MYZAP: variants seen among roughly 807,000 people sequenced by gnomAD.
MYZAP encodes myocardial zonula adherens protein.
A neutral mutation model predicts 69.4 loss-of-function variants in MYZAP; 66 were observed. The ratio of observed to expected loss-of-function variants is 0.95; its 90% confidence interval spans 0.78 to 1.17. The LOEUF (loss-of-function observed/expected upper bound fraction) is 1.17, where lower values mean the gene tolerates loss of function less well. Ranked by LOEUF, MYZAP falls within the 50% of genes most tolerant of loss-of-function variation. The pLI is 0.00. For missense variants in MYZAP, 611 were observed against 556.2 expected (o/e 1.10, Z -0.99); for synonymous variants, 256 against 205.9 (o/e 1.24, Z -2.09).
At chr15:57,672,646 C>T (rs1256462154) in intron 11 of MYZAP, among the ~76,000 whole-genome samples, 1 of 152,206 alleles carries the variant, frequency 6.6e-6, no homozygotes, top group Non-Finnish European at 1.5e-5. Flanking sequence ...AATTCTGGTG[C>T]TGACCTTGCT....
rs552946288 is a variant in MYZAP, at chr15:57,622,603, A to G, written c.411+903A>G. 4.6e-5 allele frequency among the ~76,000 whole-genome samples: 7 copies of G among 152,314 alleles called. No homozygotes were observed. The South Asian group carries it at 1.0e-3, about 23-fold the overall frequency. On this transcript the variant is annotated intron_variant, in intron 4 of 12. Coordinates refer to ENST00000267853, the MANE Select transcript of MYZAP (RefSeq NM_001018100.5). ...GTACTCCAGAAATGTACCCCTGTAT[A>G]TGATAAATGTAGCATCTCAAAAAAG...
chr15:57,673,461 TGC>T (rs1595937474), intron 11 of MYZAP, among the ~76,000 whole-genome samples: 7 of 125,844 alleles, frequency 5.6e-5, no homozygotes, highest in East Asian at 2.3e-4. Context: ...CATGCGTGCA[TGC>T]GTGTGTGTGT....
At chr15:57,651,884 C>A (rs1164007000) in intron 10 of MYZAP, among the ~76,000 whole-genome samples, 2 of 152,170 alleles carry the variant, frequency 1.3e-5, no homozygotes, top group African/African-American at 4.8e-5. Flanking sequence ...CCGGGGGAGC[C>A]AGAGTGCTCC....
At position 57,684,409 on chromosome 15, in the gene MYZAP, G is replaced by A. The variant is rs767506269; in HGVS notation, c.1312G>A (p.Gly438Ser). The change falls in exon 13 of 13, where the codon GGC (glycine) becomes AGC (serine). Residue 438 changes from glycine to serine, a missense_variant. By Grantham distance (56) the Gly-to-Ser change is moderately conservative. Coordinates refer to ENST00000267853, the MANE Select transcript of MYZAP (RefSeq NM_001018100.5). ...VGCDLLPSQT[G>S]RTREIVMPSR... is the part of the protein sequence containing the mutation. ...CATTTTCTCATTTCTCAGCCAAACA[G>A]GCAGGACTCGTGAAATTGTGATGCC... is the stretch of plus-strand genomic sequence containing the variant. 4 of 1,612,342 alleles carry A rather than the reference G, an allele frequency of 2.5e-6. No homozygotes were observed. Among genetic ancestry groups the A allele is most frequent in the Non-Finnish European group, 3.4e-6 (4 of 1,179,018 alleles).
chr15:57,632,151 T>C (rs565460240), intron 6 of MYZAP, among the ~76,000 whole-genome samples: 3 of 152,358 alleles, frequency 2.0e-5, no homozygotes, highest in African/African-American at 7.2e-5. Context: ...TGAGATTGCG[T>C]AGAGAAATAA....
chr15:57,632,993 C>G (rs890270), intron 7 of MYZAP, among the ~76,000 whole-genome samples: 148,890 of 152,256 alleles, frequency 0.98, 72,902 homozygotes, highest in East Asian at 1. Flanking sequence ...GGAGCCAGAA[C>G]CATTATCTGT....
intron 10 of MYZAP, among the ~76,000 whole-genome samples, chr15:57,644,274 C>A (rs1019259685): frequency 6.6e-6 from 1 of 152,020 alleles, no homozygotes. Context: ...CTGGTGAACT[C>A]AATAGGAAGG....
intron 11 of MYZAP, among the ~76,000 whole-genome samples, chr15:57,662,672 C>A (rs755194344): frequency 6.6e-6 from 1 of 152,212 alleles, no homozygotes; most frequent in Non-Finnish European, 1.5e-5. Flanking sequence ...AAGGGACACC[C>A]TCTGAGTTAG....
At chr15:57,616,968 T>C (rs76775142) in intron 2 of MYZAP, among the ~76,000 whole-genome samples, 2,240 of 151,818 alleles carry the variant, frequency 0.015, 30 homozygotes, top group South Asian at 0.045. Flanking sequence ...GGGTCAGCCC[T>C]AGGGAAAACT....
At chr15:57,637,890 T>A in intron 9 of MYZAP, 116 bp downstream of exon 9, 2 of 1,069,494 alleles carry the variant, frequency 1.9e-6, no homozygotes, top group Non-Finnish European at 2.7e-6. Context: ...ATTACAGACT[T>A]AAGCATACAT....
chr15:57,665,298 A>G (rs1226683811), intron 11 of MYZAP, among the ~76,000 whole-genome samples: 1 of 152,246 alleles, frequency 6.6e-6, no homozygotes, highest in Non-Finnish European at 1.5e-5. Context: ...ATAGGCTGGC[A>G]ATATTTCAGC....
intron 10 of MYZAP, chr15:57,647,854 C>G (rs1245429772): frequency 1.0e-6 from 1 of 985,304 alleles, no homozygotes; most frequent in East Asian, 1.1e-4. Context: ...CTCAATTCAC[C>G]TCTTTCCTGC....
intron 10 of MYZAP, among the ~76,000 whole-genome samples, chr15:57,644,310 A>G (rs2037329435): frequency 6.6e-6 from 1 of 152,160 alleles, no homozygotes; most frequent in Non-Finnish European, 1.5e-5. Flanking sequence ...AGCCAGGGAG[A>G]CAGTCACCAG....
At chr15:57,641,884 G>A (rs1234669142) in intron 10 of MYZAP, among the ~76,000 whole-genome samples, 1 of 152,216 alleles carries the variant, frequency 6.6e-6, no homozygotes, top group African/African-American at 2.4e-5. Flanking sequence ...AGGTTGGAAA[G>A]GAGTTGAGAA....
intron 10 of MYZAP, among the ~76,000 whole-genome samples, chr15:57,652,986 G>A (rs1490677748): frequency 6.6e-6 from 1 of 152,116 alleles, no homozygotes; most frequent in East Asian, 1.9e-4. Flanking sequence ...TTGATTGGCA[G>A]TTATACATCT....
Position 57,604,288 on chromosome 15 carries a change from G to A in MYZAP, c.95G>A (p.Arg32Gln), listed in dbSNP as rs150909622. 4.3e-6 allele frequency: 7 copies of A among 1,614,058 alleles called. No individual in the cohort carries two copies. The highest frequency in any genetic ancestry group is 3.3e-5 in the Admixed American group (2 of 60,006). ...TTCTAGGCAAATGTTTGCAGACTAC[G>A]GCTGACCGTACCTCCTGAGAGTCCA... ...PSRRANVCRL[R>Q]LTVPPESPVP... Residue 32 changes from arginine (R) to glutamine (Q), a missense_variant, in exon 2 of 13, where the codon CGG becomes CAG. Arg to Gln is a conservative substitution (Grantham distance 43). Coordinates refer to ENST00000267853, the MANE Select transcript of MYZAP (RefSeq NM_001018100.5).
intron 4 of MYZAP, among the ~76,000 whole-genome samples, chr15:57,622,067 G>C (rs1474901160): frequency 6.6e-6 from 1 of 152,134 alleles, no homozygotes; most frequent in Non-Finnish European, 1.5e-5. Flanking sequence ...CAAACTATAT[G>C]ATTGTATACC....
At chr15:57,646,990 A>G (rs2037478717) in intron 10 of MYZAP, 1 of 985,430 alleles carries the variant, frequency 1.0e-6, no homozygotes, top group African/African-American at 1.7e-5. Flanking sequence ...TAGCAGTAGT[A>G]GCTGCAGTCA....
At chr15:57,655,035 A>G (rs1173719175) in intron 10 of MYZAP, among the ~76,000 whole-genome samples, 6 of 152,314 alleles carry the variant, frequency 3.9e-5, no homozygotes, top group African/African-American at 1.4e-4. Flanking sequence ...GGGGTCTAGT[A>G]CAAGGGAAAA....
Sources: gnomAD v4.1 joint callset for allele counts (sites outside exome capture counted in the v4.1 genomes callset) on GRCh38, gnomAD v4.1.1 for gene constraint, MANE v1.5 for transcripts, NCBI Gene and HGNC (gene_info 2026-07-23, HGNC 2026-07-21) for gene names.